The following UBR2 variants were observed in gnomAD, a reference collection of about 807,000 sequenced individuals.
The protein encoded by UBR2 is E3 ubiquitin-protein ligase UBR2.
Under a neutral mutation model 247.9 loss-of-function variants are expected in UBR2, and 92 were observed. The ratio of observed to expected loss-of-function variants is 0.37; its 90% CI spans 0.31 to 0.44. The LOEUF is 0.44. UBR2 is among the 20% of genes least tolerant of loss of function. The pLI is 1.00. For synonymous variants in UBR2, 672 were observed against 693.5 expected (o/e 0.97, Z 0.49); for missense variants, 1,613 against 2,112.6 (o/e 0.76, Z 4.64).
intron 31 of UBR2, 28 bp downstream of exon 31, chr6:42,662,305 G>A: frequency 7.0e-7 from 1 of 1,427,306 alleles, no homozygotes; most frequent in Non-Finnish European, 9.6e-7. Context: ...TATTTGTCAA[G>A]AGAAGTTTAT....
chr6:42,685,099 A>C (rs1006775179), intron 44 of UBR2, among the ~76,000 whole-genome samples: 1 of 152,142 alleles, frequency 6.6e-6, no homozygotes, highest in African/African-American at 2.4e-5. Flanking sequence ...GGATCACCTG[A>C]GGTCAGGAGT....
chr6:42,601,768 A>G (rs1793380728), intron 4 of UBR2, among the ~76,000 whole-genome samples: 1 of 151,706 alleles, frequency 6.6e-6, no homozygotes, highest in Non-Finnish European at 1.5e-5. Flanking sequence ...TGCTATAAAC[A>G]TTTGAAAAAT....
intron 41 of UBR2, among the ~76,000 whole-genome samples, chr6:42,679,422 T>C (rs1346117204): frequency 1.3e-5 from 2 of 152,286 alleles, no homozygotes; most frequent in Non-Finnish European, 2.9e-5. Flanking sequence ...ATTTTTATCA[T>C]TTAATGTTCA....
chr6:42,638,406 T>TA (rs931051155), intron 15 of UBR2, among the ~76,000 whole-genome samples: 4 of 152,146 alleles, frequency 2.6e-5, no homozygotes, highest in African/African-American at 9.7e-5. Flanking sequence ...ATCCCACTGA[T>TA]AGACCCTTGC....
intron 13 of UBR2, 97 bp downstream of exon 13, chr6:42,633,001 T>TG: frequency 1.2e-6 from 1 of 824,320 alleles, no homozygotes; most frequent in Non-Finnish European, 1.7e-6. Flanking sequence ...TTTTAAGAGA[T>TG]GGGGGTCTCA....
intron 14 of UBR2, among the ~76,000 whole-genome samples, chr6:42,636,784 G>T (rs1178882416): frequency 2.6e-5 from 4 of 152,064 alleles, no homozygotes; most frequent in African/African-American, 9.7e-5. Flanking sequence ...GGGAATGGGG[G>T]AAAGGAGGGT....
Position 42,679,828 on chromosome 6 carries a change from G to A in UBR2, c.4714G>A (p.Glu1572Lys). The A allele has an allele frequency of 1.3e-6, 2 of 1,598,978 alleles. No individual in the cohort carries two copies. Among genetic ancestry groups the A allele is most frequent in the Non-Finnish European group, 1.7e-6 (2 of 1,167,642 alleles). The change falls in exon 42 of 47, where the codon GAA (glutamate) becomes AAA (lysine). Residue 1572 changes from glutamate (E) to lysine (K), a missense_variant. Physicochemically the swap from Glu to Lys is moderately conservative, Grantham distance 56. This residue lies in a region of UBR2 where 1,524 missense variants were observed against 1,967.3 expected (regional missense o/e 0.77). Coordinates refer to ENST00000372901, the MANE Select transcript of UBR2 (RefSeq NM_001363705.2). ...TAGTGAGATAATGAATTCACTGATT[G>A]AAAGGTAATGATTATATACTTTTCT... ...ENSEIMNSLI[E>K]SWCRNSEVKR...
chr6:42,622,219 A>G (rs1008251368), intron 11 of UBR2, among the ~76,000 whole-genome samples: 96 of 151,878 alleles, frequency 6.3e-4, no homozygotes, highest in African/African-American at 2.2e-3. Context: ...GGGTTTCACC[A>G]TATTGGTCAG....
chr6:42,631,767 G>A (rs1795725070), intron 11 of UBR2, among the ~76,000 whole-genome samples: 1 of 148,308 alleles, frequency 6.7e-6, no homozygotes, highest in Admixed American at 6.7e-5. Flanking sequence ...GTAGGAAAAA[G>A]ATAGATATAC....
At chr6:42,569,728 T>C (rs1178523816) in intron 1 of UBR2, among the ~76,000 whole-genome samples, 1 of 152,204 alleles carries the variant, frequency 6.6e-6, no homozygotes, top group Non-Finnish European at 1.5e-5. Flanking sequence ...GAGACTGTAA[T>C]AAAAGGCTAA....
At chr6:42,614,825 G>T (rs1207292541) in intron 8 of UBR2, among the ~76,000 whole-genome samples, 3 of 152,056 alleles carry the variant, frequency 2.0e-5, no homozygotes, top group Non-Finnish European at 4.4e-5. Flanking sequence ...AGCACAAGAG[G>T]TTATTGCCTT....
At chr6:42,662,322 G>A (rs749566492) in intron 31 of UBR2, 45 bp downstream of exon 31, 2 of 1,238,192 alleles carry the variant, frequency 1.6e-6, no homozygotes, top group Admixed American at 2.4e-5. Flanking sequence ...TTATCTAAGG[G>A]CTCAATATTT....
chr6:42,590,905 C>A (rs1258281152), intron 2 of UBR2, among the ~76,000 whole-genome samples: 1 of 152,180 alleles, frequency 6.6e-6, no homozygotes, highest in Non-Finnish European at 1.5e-5. Context: ...AGAACAATTA[C>A]AAATTAATCT....
chr6:42,613,126 G>T (rs140305869), intron 8 of UBR2, among the ~76,000 whole-genome samples: 4 of 152,014 alleles, frequency 2.6e-5, no homozygotes, highest in Admixed American at 1.3e-4. Context: ...CCAGAGTCTA[G>T]AAATTCGGTC....
Position 42,615,168 on chromosome 6 carries a change from A to G in UBR2, c.1083A>G (p.Lys361=). 1.2e-6 allele frequency: 2 copies of G among 1,610,588 alleles called. No homozygotes were observed. The highest frequency in any genetic ancestry group is 1.7e-6 in the Non-Finnish European group (2 of 1,178,416). The part of the protein sequence containing the change: ...LVDRLMLSDS[K]LWKGARSVYH... ...ACAGACTGATGCTTAGTGATTCCAAATTATGGAAAGGTGAATCTCTTAACT... is the reference window on the plus strand; with the variant it reads ...ACAGACTGATGCTTAGTGATTCCAAGTTATGGAAAGGTGAATCTCTTAACT... Residue 361 remains lysine, a synonymous_variant, in exon 9 of 47, where the codon AAA becomes AAG. Transcript: ENST00000372901.
intron 17 of UBR2, among the ~76,000 whole-genome samples, chr6:42,642,084 A>G (rs1336815115): frequency 6.6e-6 from 1 of 151,928 alleles, no homozygotes; most frequent in Non-Finnish European, 1.5e-5. Flanking sequence ...TTTTTCCAAG[A>G]TCAGACAAGA....
chr6:42,577,902 AG>A (rs1194137953), intron 2 of UBR2, among the ~76,000 whole-genome samples: 2 of 151,682 alleles, frequency 1.3e-5, no homozygotes, highest in Non-Finnish European at 2.9e-5. Flanking sequence ...AATTTTGTAT[AG>A]GCTTTTTTTT....
chr6:42,662,955 A>C (rs116518244), intron 31 of UBR2, among the ~76,000 whole-genome samples: 1,782 of 152,130 alleles, frequency 0.012, 16 homozygotes, highest in African/African-American at 0.016. Context: ...ACAACAACAA[A>C]AAAAAAACAA....
chr6:42,617,620 T>C, intron 11 of UBR2, 113 bp downstream of exon 11: 1 of 936,730 alleles, frequency 1.1e-6, no homozygotes, highest in Non-Finnish European at 1.6e-6. Flanking sequence ...TATTAATGGG[T>C]AATCAGACTT....
Sources: allele counts gnomAD v4.1 joint callset (sites outside exome capture counted in the v4.1 genomes callset), GRCh38; gene constraint gnomAD v4.1.1; regional missense constraint gnomAD v4.1.1; transcripts MANE v1.5; gene names NCBI Gene and HGNC (gene_info 2026-07-23, HGNC 2026-07-21).